The following PDGFC variants were observed in gnomAD, a reference collection of about 807,000 sequenced individuals.
The protein encoded by PDGFC is platelet derived growth factor C, also known as platelet-derived growth factor C.
Under a neutral mutation model 35.5 loss-of-function variants are expected in PDGFC, and 12 were observed. The ratio of observed to expected loss-of-function variants is 0.34; its 90% CI spans 0.22 to 0.55. The LOEUF (loss-of-function observed/expected upper bound fraction) is 0.55, where lower values mean the gene tolerates loss of function less well. Ranked by LOEUF, PDGFC falls within the 20% of genes least tolerant of loss-of-function variation. PDGFC has a pLI of 0.91. For synonymous variants in PDGFC, 159 were observed against 148.8 expected, an observed-to-expected ratio of 1.07 and a Z score of -0.50; for missense variants, 322 against 412.4, an observed-to-expected ratio of 0.78 and a Z score of 1.90.
chr4:156,937,231 T>C (rs781153802), intron 1 of PDGFC, among the ~76,000 whole-genome samples: 22 of 152,146 alleles, frequency 1.4e-4, no homozygotes, highest in Non-Finnish European at 2.6e-4. Flanking sequence ...CTTGGAAACA[T>C]CATCATTTAA....
chr4:156,927,963 A>T (rs888676089), intron 1 of PDGFC, among the ~76,000 whole-genome samples: 1 of 152,188 alleles, frequency 6.6e-6, no homozygotes, highest in Non-Finnish European at 1.5e-5. Context: ...ATGGCTGAGG[A>T]GGCCTCAGAA....
At chr4:156,864,589 T>G (rs1729790489) in intron 1 of PDGFC, among the ~76,000 whole-genome samples, 1 of 152,148 alleles carries the variant, frequency 6.6e-6, no homozygotes, top group Non-Finnish European at 1.5e-5. Flanking sequence ...AGATGAAAAC[T>G]TTTTTTAGAT....
At chr4:156,815,477 T>G (rs1296767003) in intron 2 of PDGFC, among the ~76,000 whole-genome samples, 1 of 152,126 alleles carries the variant, frequency 6.6e-6, no homozygotes, top group Non-Finnish European at 1.5e-5. Context: ...CAACTTGATA[T>G]TTTTCTTATT....
chr4:156,907,707 G>C (rs1730949034), intron 1 of PDGFC, among the ~76,000 whole-genome samples: 2 of 152,160 alleles, frequency 1.3e-5, no homozygotes, highest in Non-Finnish European at 2.9e-5. Context: ...GCATGTGCTA[G>C]GCATTCCTGG....
At chr4:156,776,977 T>C (rs1560806930) in intron 3 of PDGFC, among the ~76,000 whole-genome samples, 1 of 152,172 alleles carries the variant, frequency 6.6e-6, no homozygotes, top group East Asian at 1.9e-4. Flanking sequence ...TTCAGCAAAA[T>C]TATCTTGAGA....
At chr4:156,768,504 T>C (rs545362448) in intron 4 of PDGFC, among the ~76,000 whole-genome samples, 1 of 151,940 alleles carries the variant, frequency 6.6e-6, no homozygotes, top group Admixed American at 6.6e-5. Flanking sequence ...CATCATAAAA[T>C]ATAAAAAAAG....
chr4:156,793,991 T>G (rs979015298), intron 3 of PDGFC, among the ~76,000 whole-genome samples: 1 of 152,150 alleles, frequency 6.6e-6, no homozygotes, highest in African/African-American at 2.4e-5. Context: ...AATACCTTAG[T>G]AGCATCCAAG....
chr4:156,832,583 A>T (rs987478054), intron 2 of PDGFC, among the ~76,000 whole-genome samples: 1 of 152,238 alleles, frequency 6.6e-6, no homozygotes, highest in Admixed American at 6.5e-5. Context: ...CACAAGTGGT[A>T]TATAAGCCAC....
chr4:156,888,789 C>A lies in PDGFC; in HGVS notation c.119-38373G>T, dbSNP rs569200640. 4.9e-3 allele frequency among the ~76,000 whole-genome samples: 739 copies of A among 152,116 alleles called. 16 individuals carry two copies. Among genetic ancestry groups the A allele is most frequent in the Admixed American group, 2.9e-3 (45 of 15,286 alleles). ...CATTTTTTACCAATTGGTGTGCAAA[C>A]CTTCAGTAATTCTCTACACTAAACA... is the stretch of plus-strand genomic sequence containing the variant. On this transcript the variant is annotated intron_variant, in intron 1 of 5. Transcript: ENST00000502773.
intron 2 of PDGFC, among the ~76,000 whole-genome samples, chr4:156,830,630 A>T (rs940390202): frequency 3.9e-5 from 6 of 152,212 alleles, no homozygotes. Context: ...GTCATAGGTC[A>T]AGAACGTACT....
At chr4:156,795,451 A>C (rs756804729) in intron 3 of PDGFC, among the ~76,000 whole-genome samples, 15 of 152,166 alleles carry the variant, frequency 9.9e-5, no homozygotes, top group Non-Finnish European at 1.2e-4. Flanking sequence ...TTTGGAAGAA[A>C]TACAACACAA....
At chr4:156,820,900 C>G (rs927731809) in intron 2 of PDGFC, among the ~76,000 whole-genome samples, 1 of 152,122 alleles carries the variant, frequency 6.6e-6, no homozygotes, top group African/African-American at 2.4e-5. Context: ...AAAGTTAGAA[C>G]AAGGATAGGG....
At chr4:156,938,177 G>A (rs1731727452) in intron 1 of PDGFC, among the ~76,000 whole-genome samples, 1 of 151,924 alleles carries the variant, frequency 6.6e-6, no homozygotes, top group Non-Finnish European at 1.5e-5. Context: ...AGGAAAAAAG[G>A]TAAAATTTTG....
At chr4:156,953,977 C>T (rs1419937086) in intron 1 of PDGFC, among the ~76,000 whole-genome samples, 1 of 151,902 alleles carries the variant, frequency 6.6e-6, no homozygotes, top group Non-Finnish European at 1.5e-5. Flanking sequence ...ATTCACTCTG[C>T]CTCATATAGA....
Position 156,920,750 on chromosome 4 carries a change from C to A in PDGFC, c.118+50036G>T, listed in dbSNP as rs184603414. Reference sequence around the variant, plus strand: ...GAATAGTTATGCCTAAGAATTTTCTCTGGCCAAGCCTAAATAAAAACTATA... The same window carrying A: ...GAATAGTTATGCCTAAGAATTTTCTATGGCCAAGCCTAAATAAAAACTATA... On this transcript the variant is annotated intron_variant, in intron 1 of 5. Transcript: ENST00000502773. Among the ~76,000 whole-genome samples the A allele has an allele frequency of 5.4e-4, 82 of 152,166 alleles. 1 individual carries two copies. Among genetic ancestry groups the A allele is most frequent in the Admixed American group, 5.4e-3 (82 of 15,256 alleles).
intron 1 of PDGFC, among the ~76,000 whole-genome samples, chr4:156,921,632 C>A (rs551557786): frequency 6.6e-6 from 1 of 152,208 alleles, no homozygotes; most frequent in South Asian, 2.1e-4. Context: ...CAGTATGACA[C>A]CTTTACAACG....
intron 3 of PDGFC, among the ~76,000 whole-genome samples, chr4:156,788,012 G>C (rs10471079): frequency 0.022 from 3,423 of 152,184 alleles, 149 homozygotes; most frequent in African/African-American, 0.079. Context: ...TAGCACTACA[G>C]AACATATGAC....
chr4:156,795,262 T>TA (rs1266628848), intron 3 of PDGFC, among the ~76,000 whole-genome samples: 1 of 152,136 alleles, frequency 6.6e-6, no homozygotes, highest in South Asian at 2.1e-4. Flanking sequence ...TGAGTTACTA[T>TA]AAAAAACTGC....
In PDGFC at chr4:156,763,197, A is replaced by C; in HGVS notation, c.931T>G (p.Leu311Val). 2 of 1,580,506 alleles carry C rather than the reference A, an allele frequency of 1.3e-6. No individual in the cohort carries two copies. Among genetic ancestry groups the C allele is most frequent in the Non-Finnish European group, 1.7e-6 (2 of 1,149,260 alleles). The change falls in exon 6 of 6, where the codon TTG (leucine) becomes GTG (valine). Residue 311 changes from leucine to valine, a missense_variant. Transcript: ENST00000502773. ...CCCCTGACACCGGTCTTTGGTCTCA[A>C]CTGAAGGACCTGAAAGGGAATAAGA... is the stretch of plus-strand genomic sequence containing the variant. ...VTKKYHEVLQ[L>V]RPKTGVRGLH...
Sources: gnomAD v4.1 joint callset for allele counts (sites outside exome capture counted in the v4.1 genomes callset) on GRCh38, gnomAD v4.1.1 for gene constraint, MANE v1.5 for transcripts, NCBI Gene and HGNC (gene_info 2026-07-23, HGNC 2026-07-21) for gene names.